The following DNA2 variants were observed in gnomAD, a reference collection of about 807,000 sequenced individuals.
The protein encoded by DNA2 is DNA replication ATP-dependent helicase/nuclease DNA2.
Under a neutral mutation model 119.1 loss-of-function variants are expected in DNA2, and 101 were observed. The observed-to-expected ratio is 0.85, with a 90% CI of 0.72 to 1.00. The LOEUF (loss-of-function observed/expected upper bound fraction) is 1.00, where lower values mean the gene tolerates loss of function less well. DNA2 is among the 50% of genes least tolerant of loss of function. The pLI, the probability that DNA2 is intolerant of heterozygous loss-of-function variation, is 0.00. For synonymous variants in DNA2, 366 were observed against 424.4 expected (o/e 0.86, Z 1.69); for missense variants, 1,121 against 1,255.5 (o/e 0.89, Z 1.62).
At chr10:68,441,538 G>A (rs947516441) in intron 9 of DNA2, among the ~76,000 whole-genome samples, 2 of 152,050 alleles carry the variant, frequency 1.3e-5, no homozygotes, top group Admixed American at 1.3e-4. Context: ...ATCACTTTGG[G>A]AGGCTGAGGT....
chr10:68,463,436 T>G (rs1590075177), intron 4 of DNA2, among the ~76,000 whole-genome samples: 1 of 101,966 alleles, frequency 9.8e-6, no homozygotes, highest in African/African-American at 4.0e-5. Flanking sequence ...AGAGCAAGAC[T>G]CCATCTCAAA....
rs563600558 is a variant in DNA2 at position 68,424,513 on chromosome 10, A to C, written c.2209-1623T>G. On this transcript the variant is annotated intron_variant, in intron 14 of 20. Transcript: ENST00000358410. ...AGTGAGTCACTGTCTCAAAAAAAAA[A>C]AAAAAAACAAAACAGGCCTGAGGCC... The C allele has an allele frequency of 3.2e-4, 206 of 649,312 alleles. 1 individual carries two copies. The East Asian group carries it at 4.9e-3, about 16-fold the overall frequency. The allele number at this position is 649,312 out of a possible 1,614,324, so 40.2% of individuals were successfully genotyped here. A position where few individuals can be genotyped will look rare whatever the true frequency, so the allele number is the denominator to read the frequency against.
chr10:68,425,648 G>C (rs972258293), intron 14 of DNA2, among the ~76,000 whole-genome samples: 1 of 151,796 alleles, frequency 6.6e-6, no homozygotes, highest in Non-Finnish European at 1.5e-5. Context: ...TGATCCGCCT[G>C]CCTCGGCCTC....
intron 12 of DNA2, 57 bp from the exon 13 acceptor site, chr10:68,432,028 T>A: frequency 7.2e-7 from 1 of 1,383,514 alleles, no homozygotes; most frequent in Non-Finnish European, 1.0e-6. Context: ...AAGGAAAAGT[T>A]AATTATTTCA....
intron 17 of DNA2, among the ~76,000 whole-genome samples, chr10:68,421,852 T>C (rs1158844002): frequency 6.6e-6 from 1 of 152,032 alleles, no homozygotes. Context: ...TCTTGCTCTG[T>C]CACCCAGGCT....
intron 14 of DNA2, among the ~76,000 whole-genome samples, chr10:68,426,158 TG>T (rs1343050433): frequency 6.6e-6 from 1 of 151,572 alleles, no homozygotes; most frequent in Non-Finnish European, 1.5e-5. Flanking sequence ...CTTCAGCATC[TG>T]GGGCTAGACA....
intron 9 of DNA2, among the ~76,000 whole-genome samples, chr10:68,438,499 A>G (rs1387596089): frequency 6.7e-6 from 1 of 150,158 alleles, no homozygotes; most frequent in Admixed American, 6.7e-5. Context: ...AGCCTAGGCA[A>G]CAAGAGTGAA....
chr10:68,415,415 T>G lies in DNA2; in HGVS notation c.3115-308A>C, dbSNP rs183682736. Among the ~76,000 whole-genome samples the G allele has an allele frequency of 2.3e-3, 345 of 152,000 alleles. 2 individuals carry two copies. Among genetic ancestry groups the G allele is most frequent in the African/African-American group, 8.0e-3 (333 of 41,478 alleles). ...CCTCAGCCTCCCGAGTAGCTGGGAT[T>G]ACAGGCATGTGCCACCATGCCCGGC... On this transcript the variant is annotated intron_variant, in intron 20 of 20. Coordinates refer to ENST00000358410, the MANE Select transcript of DNA2 (RefSeq NM_001080449.3).
At position 68,470,271 on chromosome 10, in the gene DNA2, T is replaced by C. The variant is rs755761931; in HGVS notation, c.75-108A>G. 83 of 1,000,414 alleles carry C rather than the reference T, an allele frequency of 8.3e-5. 1 individual carries two copies. Among genetic ancestry groups the C allele is most frequent in the Middle Eastern group, 4.4e-4 (2 of 4,534 alleles). The allele number at this position is 1,000,414 out of a possible 1,614,324, so 62.0% of individuals were successfully genotyped here. On this transcript the variant is annotated intron_variant, in intron 1 of 20. Transcript: ENST00000358410. ...TCCAGTTTTCTAGGTTTCTTTCTTC[T>C]GAAAAGCTTATTGCAATGACATTTA... is the stretch of plus-strand genomic sequence containing the variant.
At chr10:68,461,544 A>T (rs1174434835) in intron 4 of DNA2, 1 of 151,978 alleles carries the variant, frequency 6.6e-6, no homozygotes, top group Non-Finnish European at 1.5e-5. Context: ...AAAGAAAAAA[A>T]ATGGCCAGGC....
chr10:68,419,035 G>T lies in DNA2; in HGVS notation c.2966C>A (p.Thr989Asn). 6.3e-7 allele frequency: 1 copy of T among 1,593,990 alleles called. No individual in the cohort carries two copies. ...CAGTAGCAAACACAATTAACTCACA[G>T]TTCCATCCTTATTACTTCTAACAAA... ...VSFVRSNKDG[T>N]VGELLKDWRR... Residue 989 changes from threonine (T) to asparagine (N), a missense_variant and splice_region_variant, in exon 19 of 21, where the codon ACT (threonine) becomes AAT (asparagine). Coordinates refer to ENST00000358410, the MANE Select transcript of DNA2 (RefSeq NM_001080449.3).
At chr10:68,424,904 GA>G in intron 14 of DNA2, 12 of 711,856 alleles carry the variant, frequency 1.7e-5, no homozygotes, top group East Asian at 2.6e-5. Flanking sequence ...ACAAGGATCG[GA>G]AAAAAATTAT....
chr10:68,421,711 C>A (rs1449732533), intron 17 of DNA2, among the ~76,000 whole-genome samples: 2 of 151,890 alleles, frequency 1.3e-5, no homozygotes, highest in Admixed American at 1.3e-4. Flanking sequence ...CGAGATCATG[C>A]CACTTGGGCA....
intron 5 of DNA2, among the ~76,000 whole-genome samples, chr10:68,450,967 G>A (rs1317932986): frequency 2.6e-5 from 4 of 152,070 alleles, no homozygotes; most frequent in Non-Finnish European, 4.4e-5. Context: ...CGGGAAGGGT[G>A]GCACATGCCT....
chr10:68,446,248 A>C (rs1272235454), intron 7 of DNA2, 48 bp downstream of exon 7: 1 of 974,574 alleles, frequency 1.0e-6, no homozygotes, highest in South Asian at 1.5e-5. Context: ...TAGAAGCTGA[A>C]GTGGGGGGGT....
In DNA2 at chr10:68,452,236, C is replaced by T. The variant is rs929140389; in HGVS notation, c.720-1989G>A. Among the ~76,000 whole-genome samples, 44 of 151,114 alleles carry T rather than the reference C, an allele frequency of 2.9e-4. 1 individual carries two copies. Among genetic ancestry groups the T allele is most frequent in the African/African-American group, 1.0e-3 (42 of 41,138 alleles). ...TAGCTGGGATGAGAGGTGTGCACCA[C>T]CACACCCCACTAATTATTTTCAAAT... On this transcript the variant is annotated intron_variant, in intron 5 of 20. Coordinates refer to ENST00000358410, the MANE Select transcript of DNA2 (RefSeq NM_001080449.3).
intron 6 of DNA2, 53 bp downstream of exon 6, chr10:68,449,973 CAA>C (rs57883442): frequency 0.045 from 41,695 of 919,196 alleles, no homozygotes; most frequent in South Asian, 0.057. Flanking sequence ...GACTCTGTCT[CAA>C]AAAAAAAAAA....
At chr10:68,427,751 C>T (rs1423885011) in intron 14 of DNA2, among the ~76,000 whole-genome samples, 1 of 151,726 alleles carries the variant, frequency 6.6e-6, no homozygotes, top group East Asian at 1.9e-4. Flanking sequence ...AAAATAGTAT[C>T]AGCTGGGCAC....
intron 7 of DNA2, 96 bp downstream of exon 7, chr10:68,446,193 CTATTAAG>C: frequency 1.6e-6 from 1 of 635,790 alleles, no homozygotes. Context: ...AAATTATAAC[CTATTAAG>C]TGCTGTGAGT....
Sources: allele counts gnomAD v4.1 joint callset (sites outside exome capture counted in the v4.1 genomes callset), GRCh38; gene constraint gnomAD v4.1.1; transcripts MANE v1.5; gene names NCBI Gene and HGNC (gene_info 2026-07-23, HGNC 2026-07-21).